The following IQCK variants were observed in gnomAD, a reference collection of about 807,000 sequenced individuals.
IQCK encodes IQ motif containing K.
In IQCK, 29 loss-of-function variants were observed where a neutral mutation model predicts 28.1. The observed-to-expected ratio is 1.03, with a 90% CI of 0.77 to 1.41. IQCK has a LOEUF of 1.41. Among genes scored for constraint, IQCK ranks in the 40% most tolerant of loss-of-function variants. The pLI, the probability that IQCK is intolerant of heterozygous loss-of-function variation, is 0.00. For missense variants in IQCK, 359 were observed against 314.7 expected (o/e 1.14, Z -1.07); for synonymous variants, 113 against 115.1 (o/e 0.98, Z 0.12).
At chr16:19,804,080 G>A (rs189472961) in intron 7 of IQCK, among the ~76,000 whole-genome samples, 20 of 152,278 alleles carry the variant, frequency 1.3e-4, no homozygotes, top group African/African-American at 4.6e-4. Flanking sequence ...GCCAGGTGCG[G>A]CGGCTCACGC....
At chr16:19,827,336 C>T, downstream of IQCK, 1 of 587,346 alleles carries the variant, frequency 1.7e-6, no homozygotes, top group Non-Finnish European at 3.0e-6. Context: ...AGGGCCATTT[C>T]TCTCCCACAG....
intron 9 of IQCK, among the ~76,000 whole-genome samples, chr16:19,842,607 GA>G (rs1394297441): frequency 6.6e-6 from 1 of 152,166 alleles, no homozygotes; most frequent in Non-Finnish European, 1.5e-5. Flanking sequence ...ATGGTGCCAG[GA>G]AAAATGTTGC....
intron 6 of IQCK, among the ~76,000 whole-genome samples, chr16:19,782,102 T>TA (rs1229412470): frequency 1.3e-5 from 2 of 152,216 alleles, no homozygotes; most frequent in Non-Finnish European, 2.9e-5. Context: ...AAGTGGCCGT[T>TA]ACAAATACTG....
At chr16:19,724,419 G>C (rs1208983228) in intron 1 of IQCK, among the ~76,000 whole-genome samples, 3 of 152,182 alleles carry the variant, frequency 2.0e-5, no homozygotes, top group Middle Eastern at 3.4e-3. Flanking sequence ...TCCCACTATA[G>C]TATATGCCTG....
chr16:19,826,972 C>CTAG lies in IQCK; in HGVS notation c.691-52_691-50dup. On this transcript the variant is annotated intron_variant, in intron 7 of 7. Transcript: ENST00000564186. Reference sequence around the variant, plus strand: ...GGATTTTCCATGCAGGGTTAATAAGCTAGTGTACAGAAGTGTGTCGAAAAG... The same window carrying CTAG: ...GGATTTTCCATGCAGGGTTAATAAGCTAGTAGTGTACAGAAGTGTGTCGAAAAG... 9 of 1,094,446 alleles carry CTAG rather than the reference C, an allele frequency of 8.2e-6. No individual in the cohort carries two copies. The South Asian group carries it at 1.1e-4, about 14-fold the overall frequency. 67.8% of individuals were successfully genotyped at this position (1,094,446 alleles called of 1,614,324 possible). A position where few individuals can be genotyped will look rare whatever the true frequency, so the allele number is the denominator to read the frequency against.
At chr16:19,735,175 G>T (rs992831571) in intron 3 of IQCK, among the ~76,000 whole-genome samples, 178 bp from the exon 4 acceptor site, 4 of 152,144 alleles carry the variant, frequency 2.6e-5, no homozygotes, top group African/African-American at 9.7e-5. Flanking sequence ...GGCTCAGAGG[G>T]ACATTTTAAG....
chr16:19,735,131 T>C (rs534788458), intron 3 of IQCK, among the ~76,000 whole-genome samples: 2 of 152,292 alleles, frequency 1.3e-5, no homozygotes, highest in South Asian at 4.2e-4. Flanking sequence ...TGGCCTTATG[T>C]AGGATACTTC....
At chr16:19,852,460 T>C (rs2056495001) in intron 9 of IQCK, among the ~76,000 whole-genome samples, 1 of 151,816 alleles carries the variant, frequency 6.6e-6, no homozygotes, top group Non-Finnish European at 1.5e-5. Flanking sequence ...GTTTTAAAGC[T>C]CTTCCCCCAT....
downstream of IQCK, among the ~76,000 whole-genome samples, chr16:19,830,332 TTGAC>T (rs1302903742): frequency 1.3e-5 from 2 of 152,212 alleles, no homozygotes; most frequent in Non-Finnish European, 2.9e-5. Flanking sequence ...AGTTGGTTGA[TTGAC>T]TGATTGGGCT....
intron 7 of IQCK, among the ~76,000 whole-genome samples, chr16:19,815,960 G>A (rs1199665776): frequency 6.6e-6 from 1 of 152,172 alleles, no homozygotes; most frequent in Non-Finnish European, 1.5e-5. Flanking sequence ...TAGCAAAGAT[G>A]TATTAAGAAC....
At chr16:19,841,292 G>A (rs547350806) in intron 9 of IQCK, among the ~76,000 whole-genome samples, 15 of 152,274 alleles carry the variant, frequency 9.9e-5, no homozygotes, top group Non-Finnish European at 1.8e-4. Flanking sequence ...GGAGATGGGG[G>A]AGACTAAGGA....
At chr16:19,764,692 CTTT>C (rs1277213098) in intron 6 of IQCK, among the ~76,000 whole-genome samples, 2 of 131,780 alleles carry the variant, frequency 1.5e-5, no homozygotes, top group Non-Finnish European at 1.6e-5. Flanking sequence ...CCTTTAATTT[CTTT>C]TTTTTTTTTT....
At chr16:19,770,775 A>G (rs1186982822) in intron 6 of IQCK, among the ~76,000 whole-genome samples, 1 of 152,116 alleles carries the variant, frequency 6.6e-6, no homozygotes, top group Non-Finnish European at 1.5e-5. Flanking sequence ...GGCATGCGCC[A>G]CCATGCCCGA....
At chr16:19,762,704 C>T (rs977417737) in intron 4 of IQCK, among the ~76,000 whole-genome samples, 5 of 152,220 alleles carry the variant, frequency 3.3e-5, no homozygotes, top group South Asian at 4.2e-4. Flanking sequence ...GCCAAACCCC[C>T]GTGCAGTCAA....
chr16:19,819,296 G>A (rs1264877200), intron 7 of IQCK, among the ~76,000 whole-genome samples: 2 of 151,770 alleles, frequency 1.3e-5, no homozygotes, highest in Non-Finnish European at 2.9e-5. Flanking sequence ...AGTTTGAGAC[G>A]AGCCTGGCCA....
chr16:19,853,891 G>A (rs182239388), intron 9 of IQCK, among the ~76,000 whole-genome samples: 17 of 152,336 alleles, frequency 1.1e-4, no homozygotes, highest in African/African-American at 3.8e-4. Context: ...GCCTCCCAGA[G>A]TGCTGGGATT....
intron 7 of IQCK, among the ~76,000 whole-genome samples, chr16:19,816,244 T>C (rs2055987538): frequency 6.6e-6 from 1 of 152,016 alleles, no homozygotes; most frequent in Admixed American, 6.6e-5. Flanking sequence ...CAGGCAACAG[T>C]CTCCCTCCTC....
intron 1 of IQCK, among the ~76,000 whole-genome samples, chr16:19,730,122 AT>A (rs1397051184): frequency 1.3e-5 from 2 of 151,710 alleles, no homozygotes; most frequent in African/African-American, 2.4e-5. Flanking sequence ...CGCCCAGCTA[AT>A]TTTTGTATTT....
intron 4 of IQCK, chr16:19,761,681 G>C: frequency 3.6e-6 from 1 of 276,900 alleles, no homozygotes; most frequent in Non-Finnish European, 7.2e-6. Flanking sequence ...CAGGATATCT[G>C]GTGCTCCACC....
Sources: gnomAD v4.1 joint callset for allele counts (sites outside exome capture counted in the v4.1 genomes callset) on GRCh38, gnomAD v4.1.1 for gene constraint, MANE v1.5 for transcripts, NCBI Gene and HGNC (gene_info 2026-07-23, HGNC 2026-07-21) for gene names.